Variants in IGSF10 observed in about 807,000 individuals in gnomAD.
The protein encoded by IGSF10 is calvaria mechanical force protein 608.
IGSF10 carries 126 observed loss-of-function variants against 128.2 expected under a neutral mutation model. The ratio of observed to expected loss-of-function variants is 0.98; its 90% CI spans 0.85 to 1.14. IGSF10 has a LOEUF of 1.14. IGSF10 is among the 50% of genes most tolerant of loss of function. The pLI, the probability that IGSF10 is intolerant of heterozygous loss-of-function variation, is 0.00. For missense variants in IGSF10, 3,295 were observed against 3,149.8 expected (o/e 1.05, Z -1.10); for synonymous variants, 1,185 against 1,146.2 (o/e 1.03, Z -0.68).
the IGSF10 span, among the ~76,000 whole-genome samples, chr3:151,496,913 A>G: frequency 6.6e-6 from 1 of 151,984 alleles, no homozygotes; most frequent in African/African-American, 2.4e-5. Context: ...TTTGATTTGC[A>G]TTTCTCTGAT....
At chr3:151,474,662 G>C in the IGSF10 span, among the ~76,000 whole-genome samples, 1 of 152,122 alleles carries the variant, frequency 6.6e-6, no homozygotes, top group Non-Finnish European at 1.5e-5. Flanking sequence ...GTTCATATTA[G>C]TCCATTTTCA....
the IGSF10 span, among the ~76,000 whole-genome samples, chr3:151,466,882 C>A: frequency 3.3e-5 from 5 of 152,154 alleles, no homozygotes; most frequent in East Asian, 7.7e-4. Context: ...CCTGGCTCAA[C>A]GTGTGCATTT....
In IGSF10 at chr3:151,449,270, A is replaced by G. The variant is rs1238893252; in HGVS notation, c.716-5T>C. 1.3e-6 allele frequency: 2 copies of G among 1,557,840 alleles called. No individual in the cohort carries two copies. The highest frequency in any genetic ancestry group is 8.7e-7 in the Non-Finnish European group (1 of 1,154,240). The stretch of plus-strand genomic sequence containing the variant: ...CTTTTTTGCATTTTATTACATCTGG[A>G]AAAAAATCACAATTGAATTATCAGT... On this transcript the variant is annotated splice_region_variant and splice_polypyrimidine_tract_variant and intron_variant, in intron 5 of 7. Transcript: ENST00000282466.
At position 151,436,592 on chromosome 3, in the gene IGSF10, T is replaced by C. The variant is rs1720252119; in HGVS notation, c.*97A>G. The stretch of plus-strand genomic sequence containing the variant: ...TTCATTGTAAATTTAATACTGTAAA[T>C]GTATTCAAATTCATTTACATGCCTA... On this transcript the variant is annotated 3_prime_UTR_variant, in exon 8 of 8. Transcript: ENST00000282466. 2.5e-6 allele frequency: 2 copies of C among 795,972 alleles called. No homozygotes were observed. The highest frequency in any genetic ancestry group is 4.1e-6 in the Non-Finnish European group (2 of 490,512). 49.3% of individuals were successfully genotyped at this position (795,972 alleles called of 1,614,324 possible). A position where few individuals can be genotyped will look rare whatever the true frequency, so the allele number is the denominator to read the frequency against.
chr3:151,526,820 C>T, the IGSF10 span, among the ~76,000 whole-genome samples: 53 of 152,166 alleles, frequency 3.5e-4, no homozygotes, highest in African/African-American at 9.9e-4. Flanking sequence ...AGTTCCCTGC[C>T]GGAAGCCTTT....
At chr3:151,556,307 A>C in the IGSF10 span, among the ~76,000 whole-genome samples, 1 of 152,198 alleles carries the variant, frequency 6.6e-6, no homozygotes, top group Non-Finnish European at 1.5e-5. Flanking sequence ...AGACTACCCA[A>C]AATGTATGAA....
At chr3:151,511,405 A>C in the IGSF10 span, among the ~76,000 whole-genome samples, 1 of 152,224 alleles carries the variant, frequency 6.6e-6, no homozygotes, top group Non-Finnish European at 1.5e-5. Context: ...CTTCACAGGC[A>C]AGCAAATGCT....
the IGSF10 span, among the ~76,000 whole-genome samples, chr3:151,558,875 A>T: frequency 2.0e-5 from 3 of 152,208 alleles, no homozygotes; most frequent in East Asian, 5.8e-4. Context: ...TAGTGGATAG[A>T]TTCCATTTTT....
chr3:151,552,219 G>A, the IGSF10 span, among the ~76,000 whole-genome samples: 1 of 152,092 alleles, frequency 6.6e-6, no homozygotes, highest in Non-Finnish European at 1.5e-5. Flanking sequence ...GCCTTCCACT[G>A]TGATTGTAAC....
At chr3:151,612,262 C>T in the IGSF10 span, among the ~76,000 whole-genome samples, 11 of 152,268 alleles carry the variant, frequency 7.2e-5, no homozygotes, top group African/African-American at 1.9e-4. Flanking sequence ...AATTGAAAAA[C>T]ATTTCCTGTC....
chr3:151,616,113 C>T, the IGSF10 span, among the ~76,000 whole-genome samples: 42 of 151,506 alleles, frequency 2.8e-4, no homozygotes, highest in Middle Eastern at 3.4e-3. Context: ...TACAGGCATG[C>T]GCCACCACAC....
At chr3:151,581,597 A>T in the IGSF10 span, among the ~76,000 whole-genome samples, 1 of 152,184 alleles carries the variant, frequency 6.6e-6, no homozygotes, top group Non-Finnish European at 1.5e-5. Context: ...CAAAGTTTGC[A>T]CTTTTTCTTC....
chr3:151,530,564 C>T, the IGSF10 span, among the ~76,000 whole-genome samples: 4 of 152,142 alleles, frequency 2.6e-5, no homozygotes, highest in South Asian at 2.1e-4. Flanking sequence ...CAATATTCAA[C>T]GTTCTTAAAG....
At chr3:151,454,583 A>G (rs533862231) in intron 4 of IGSF10, among the ~76,000 whole-genome samples, 1 of 69,498 alleles carries the variant, frequency 1.4e-5, no homozygotes, top group Non-Finnish European at 3.2e-5. Context: ...AAATTTTTAT[A>G]AGGTTTTTTT....
At chr3:151,513,628 A>T in the IGSF10 span, among the ~76,000 whole-genome samples, 1 of 152,218 alleles carries the variant, frequency 6.6e-6, no homozygotes, top group South Asian at 2.1e-4. Flanking sequence ...CAGGGAAATC[A>T]GGCAGGAGAA....
chr3:151,571,318 G>T, the IGSF10 span, among the ~76,000 whole-genome samples: 1 of 152,244 alleles, frequency 6.6e-6, no homozygotes, highest in African/African-American at 2.4e-5. Flanking sequence ...AAATTACCTT[G>T]GACAGTATGG....
downstream of IGSF10, chr3:151,434,167 A>G (rs183942203): frequency 1.3e-5 from 2 of 152,352 alleles, no homozygotes; most frequent in Admixed American, 6.5e-5. Flanking sequence ...TACATATAAT[A>G]TAGTCAAGCA....
the IGSF10 span, among the ~76,000 whole-genome samples, chr3:151,564,309 T>G: frequency 6.6e-6 from 1 of 152,160 alleles, no homozygotes; most frequent in Non-Finnish European, 1.5e-5. Flanking sequence ...CATTCAATTT[T>G]ATATTTGACT....
chr3:151,501,559 A>G, the IGSF10 span, among the ~76,000 whole-genome samples: 1 of 152,066 alleles, frequency 6.6e-6, no homozygotes, highest in Non-Finnish European at 1.5e-5. Flanking sequence ...GTATTTCTCA[A>G]ACTTGAAACC....
Sources: gnomAD v4.1 joint callset for allele counts (sites outside exome capture counted in the v4.1 genomes callset) on GRCh38, gnomAD v4.1.1 for gene constraint, MANE v1.5 for transcripts, NCBI Gene and HGNC (gene_info 2026-07-23, HGNC 2026-07-21) for gene names.